THSD7B: variants seen among roughly 807,000 people sequenced by gnomAD.
The protein encoded by THSD7B is thrombospondin type 1 domain containing 7B, also known as thrombospondin type-1 domain-containing protein 7B.
A neutral mutation model predicts 213.6 loss-of-function variants in THSD7B; 138 were observed. That is an observed-to-expected ratio of 0.65 (90% CI 0.56 to 0.74). THSD7B has a LOEUF of 0.74. THSD7B is among the 30% of genes least tolerant of loss of function. The pLI, the probability that THSD7B is intolerant of heterozygous loss-of-function variation, is 0.00. For missense variants in THSD7B, 1,931 were observed against 1,991.5 expected (o/e 0.97, Z 0.58); for synonymous variants, 742 against 687.0 (o/e 1.08, Z -1.25).
intron 21 of THSD7B, among the ~76,000 whole-genome samples, chr2:137,644,054 C>G (rs16839231): frequency 0.12 from 18,689 of 152,084 alleles, 1,225 homozygotes; most frequent in South Asian, 0.15. Flanking sequence ...ATGGGTGGTG[C>G]TCATTCTCTG....
chr2:137,272,796 A>G, intron 11 of THSD7B, 134 bp downstream of exon 11: 2 of 979,916 alleles, frequency 2.0e-6, no homozygotes, highest in Non-Finnish European at 3.0e-6. Flanking sequence ...CAAATACTTT[A>G]ATATTCTTAC....
chr2:137,233,196 A>G (rs1681682713), intron 9 of THSD7B, 63 bp downstream of exon 9: 1 of 1,445,112 alleles, frequency 6.9e-7, no homozygotes. Context: ...TTTTAGTTGA[A>G]AGCATTTATC....
chr2:137,551,096 T>C (rs1680838600), intron 15 of THSD7B, among the ~76,000 whole-genome samples: 1 of 151,556 alleles, frequency 6.6e-6, no homozygotes. Context: ...TGAAAAAAAA[T>C]CCAGAGTTCA....
chr2:137,283,652 A>T (rs982707225), intron 12 of THSD7B, among the ~76,000 whole-genome samples: 2 of 152,220 alleles, frequency 1.3e-5, no homozygotes, highest in Non-Finnish European at 2.9e-5. Context: ...ATCTGTTGAG[A>T]TAATCATGTG....
intron 7 of THSD7B, among the ~76,000 whole-genome samples, chr2:137,198,938 T>A (rs1680821131): frequency 6.6e-6 from 1 of 152,192 alleles, no homozygotes; most frequent in South Asian, 2.1e-4. Flanking sequence ...CCAAAGATAT[T>A]TGAGTCGGGA....
intron 1 of THSD7B, among the ~76,000 whole-genome samples, chr2:136,789,647 G>C (rs1342679909): frequency 6.6e-6 from 1 of 152,050 alleles, no homozygotes; most frequent in African/African-American, 2.4e-5. Context: ...ACCTGATCAA[G>C]GAAATAGATA....
chr2:137,173,203 A>T (rs6756155), intron 7 of THSD7B, among the ~76,000 whole-genome samples: 40,795 of 152,082 alleles, frequency 0.27, 5,694 homozygotes, highest in Admixed American at 0.31. Flanking sequence ...TTAAAGTACA[A>T]TTATTATTCT....
At chr2:137,418,929 A>G (rs1686859441) in intron 14 of THSD7B, among the ~76,000 whole-genome samples, 1 of 148,886 alleles carries the variant, frequency 6.7e-6, no homozygotes, top group South Asian at 2.1e-4. Flanking sequence ...TTTTTTTAAG[A>G]TGGAGTCTAG....
intron 12 of THSD7B, among the ~76,000 whole-genome samples, chr2:137,340,950 G>A (rs1332860864): frequency 6.7e-6 from 1 of 149,996 alleles, no homozygotes; most frequent in Non-Finnish European, 1.5e-5. Flanking sequence ...TCAGAAGTGG[G>A]ATTGCTGGAT....
chr2:137,216,938 G>A (rs1247941168), intron 7 of THSD7B, among the ~76,000 whole-genome samples: 1 of 152,164 alleles, frequency 6.6e-6, no homozygotes, highest in African/African-American at 2.4e-5. Context: ...AGAGATATAT[G>A]TAATGCGGAT....
chr2:137,174,817 G>A (rs13002806), intron 7 of THSD7B, among the ~76,000 whole-genome samples: 7,018 of 152,188 alleles, frequency 0.046, 200 homozygotes, highest in Admixed American at 0.069. Context: ...CATTTACGGA[G>A]CGTTGAATAT....
chr2:137,282,698 A>G (rs1683058063), intron 12 of THSD7B, among the ~76,000 whole-genome samples: 1 of 152,174 alleles, frequency 6.6e-6, no homozygotes, highest in African/African-American at 2.4e-5. Flanking sequence ...CAGGTTTGTC[A>G]AAGATCAGAT....
At chr2:137,196,074 C>A (rs1309835098) in intron 7 of THSD7B, among the ~76,000 whole-genome samples, 2 of 152,178 alleles carry the variant, frequency 1.3e-5, no homozygotes, top group African/African-American at 4.8e-5. Context: ...TGCCTATAGA[C>A]AACAGGGTGA....
intron 15 of THSD7B, among the ~76,000 whole-genome samples, chr2:137,453,589 A>G (rs1052239459): frequency 1.3e-5 from 2 of 152,110 alleles, no homozygotes; most frequent in African/African-American, 2.4e-5. Context: ...TCGGCCTCCC[A>G]AAGTGCTGGG....
chr2:137,323,017 A>G (rs901392834), intron 12 of THSD7B, among the ~76,000 whole-genome samples: 1 of 152,166 alleles, frequency 6.6e-6, no homozygotes, highest in African/African-American at 2.4e-5. Flanking sequence ...TTTTGTCGCT[A>G]TGTGGCTCCA....
chr2:137,339,738 G>C (rs114014828), intron 12 of THSD7B, among the ~76,000 whole-genome samples: 1 of 151,632 alleles, frequency 6.6e-6, no homozygotes, highest in African/African-American at 2.4e-5. Flanking sequence ...CAGGGAAAGG[G>C]CTGTTGTTTT....
chr2:137,317,937 G>T (rs1269502346), intron 12 of THSD7B, among the ~76,000 whole-genome samples: 2 of 151,888 alleles, frequency 1.3e-5, no homozygotes, highest in East Asian at 1.9e-4. Context: ...TATGGGGGAG[G>T]GGGGAAGAAA....
chr2:137,056,356 A>C (rs1168992318), intron 2 of THSD7B, 64 bp from the exon 3 acceptor site: 26 of 1,500,466 alleles, frequency 1.7e-5, no homozygotes, highest in Non-Finnish European at 1.8e-6. Context: ...ATTGACTTCT[A>C]CTTACCTGTG....
At chr2:137,137,591 A>G (rs141015189) in intron 5 of THSD7B, among the ~76,000 whole-genome samples, 64 of 152,294 alleles carry the variant, frequency 4.2e-4, no homozygotes, top group African/African-American at 1.5e-3. Flanking sequence ...CCTAGGAGCA[A>G]TGGGGTATGC....
Sources: allele counts gnomAD v4.1 joint callset (sites outside exome capture counted in the v4.1 genomes callset), GRCh38; gene constraint gnomAD v4.1.1; transcripts MANE v1.5; gene names NCBI Gene and HGNC (gene_info 2026-07-23, HGNC 2026-07-21).